CRYZ: variants seen among roughly 807,000 people sequenced by gnomAD.
CRYZ encodes the protein crystallin zeta, also known as zeta-crystallin.
A neutral mutation model predicts 34.1 loss-of-function variants in CRYZ; 35 were observed. The observed-to-expected ratio is 1.03, with a 90% CI of 0.78 to 1.36. CRYZ has a LOEUF of 1.36. CRYZ is among the 40% of genes most tolerant of loss of function. The probability of loss-of-function intolerance (pLI) is 0.00; values close to 1 mark genes in which losing one functional copy is unlikely to be tolerated. For missense variants in CRYZ, 403 were observed against 391.8 expected (o/e 1.03, Z -0.24); for synonymous variants, 137 against 136.5 (o/e 1.00, Z -0.03).
intron 6 of CRYZ, chr1:74,708,131 G>C (rs1054551954): frequency 6.6e-6 from 1 of 152,112 alleles, no homozygotes; most frequent in Non-Finnish European, 1.5e-5. Context: ...AAAGATGGAG[G>C]GGACTGAGAA....
chr1:74,707,717 G>A (rs1467148057), intron 6 of CRYZ: 2 of 152,284 alleles, frequency 1.3e-5, no homozygotes, highest in African/African-American at 2.4e-5. Flanking sequence ...GCTCTTGGAT[G>A]TTGGACGCTG....
intron 5 of CRYZ, among the ~76,000 whole-genome samples, chr1:74,714,351 C>T (rs1647042801): frequency 6.6e-6 from 1 of 151,996 alleles, no homozygotes; most frequent in Non-Finnish European, 1.5e-5. Flanking sequence ...GGTGGAAAAT[C>T]TAACATATTT....
At chr1:74,720,163 A>C (rs1647138828) in intron 3 of CRYZ, among the ~76,000 whole-genome samples, 1 of 152,216 alleles carries the variant, frequency 6.6e-6, no homozygotes, top group South Asian at 2.1e-4. Flanking sequence ...CCAAAATGCT[A>C]GGGAGAAGAA....
intron 1 of CRYZ, among the ~76,000 whole-genome samples, chr1:74,727,079 C>A (rs568455311): frequency 6.6e-6 from 1 of 151,856 alleles, no homozygotes; most frequent in East Asian, 1.9e-4. Context: ...TAGGAAGTTC[C>A]AAACTTTCCC....
intron 3 of CRYZ, among the ~76,000 whole-genome samples, chr1:74,722,222 G>A (rs1462711634): frequency 6.6e-6 from 1 of 151,986 alleles, no homozygotes; most frequent in East Asian, 1.9e-4. Context: ...AGGGGGAGAG[G>A]AGAACAGAAG....
intron 3 of CRYZ, among the ~76,000 whole-genome samples, chr1:74,721,283 G>A (rs576800199): frequency 8.7e-4 from 133 of 152,212 alleles, no homozygotes; most frequent in African/African-American, 3.2e-3. Context: ...GAACCAATAT[G>A]AACAAAAACA....
chr1:74,720,040 C>T (rs866645678), intron 3 of CRYZ, among the ~76,000 whole-genome samples: 3 of 151,994 alleles, frequency 2.0e-5, no homozygotes, highest in Non-Finnish European at 2.9e-5. Flanking sequence ...ATTATCTCTA[C>T]TTTAGAGCAA....
At chr1:74,730,599 G>A (rs1338451793) in intron 1 of CRYZ, among the ~76,000 whole-genome samples, 1 of 152,174 alleles carries the variant, frequency 6.6e-6, no homozygotes, top group Non-Finnish European at 1.5e-5. Context: ...TTATGCAGAA[G>A]TAAAAATAAA....
intron 2 of CRYZ, among the ~76,000 whole-genome samples, chr1:74,723,731 G>A (rs1647208730): frequency 6.6e-6 from 1 of 152,304 alleles, no homozygotes; most frequent in South Asian, 2.1e-4. Context: ...CTTCCATGGA[G>A]ACCCTGAAGA....
At chr1:74,722,153 C>T (rs1229137256) in intron 3 of CRYZ, among the ~76,000 whole-genome samples, 1 of 151,850 alleles carries the variant, frequency 6.6e-6, no homozygotes, top group Admixed American at 6.6e-5. Flanking sequence ...CCAGACAACA[C>T]CAAGATTTAA....
In CRYZ at chr1:74,705,666, CTA is replaced by C. The variant is rs937168650; in HGVS notation, c.*628_*629del. ...TTGCGAAGTATTACCTATTTGGAGA[CTA>C]TGTATTATATCAAAGATAAAGCTAC... is the stretch of plus-strand genomic sequence containing the variant. On this transcript the variant is annotated 3_prime_UTR_variant, in exon 9 of 9. Transcript: ENST00000340866. 2 of 152,064 alleles carry C rather than the reference CTA, an allele frequency of 1.3e-5. No homozygotes were observed. Among genetic ancestry groups the C allele is most frequent in the Non-Finnish European group, 2.9e-5 (2 of 67,996 alleles). The allele number at this position is 152,064 out of a possible 1,614,324, so 9.4% of individuals were successfully genotyped here. A position where few individuals can be genotyped will look rare whatever the true frequency, so the allele number is the denominator to read the frequency against.
At chr1:74,727,539 G>C (rs566114036) in intron 1 of CRYZ, among the ~76,000 whole-genome samples, 1 of 146,162 alleles carries the variant, frequency 6.8e-6, no homozygotes, top group African/African-American at 2.5e-5. Flanking sequence ...GGCTGAGGCA[G>C]GAGAATGGCG....
chr1:74,732,899 G>A (rs1557738551), intron 1 of CRYZ, 57 bp downstream of exon 1: 1 of 242,350 alleles, frequency 4.1e-6, no homozygotes, highest in Non-Finnish European at 8.0e-6. Context: ...CCACTTGGAC[G>A]AGCAGTGGGG....
chr1:74,709,891 A>G (rs1240097255), intron 6 of CRYZ, among the ~76,000 whole-genome samples: 3 of 152,240 alleles, frequency 2.0e-5, no homozygotes, highest in African/African-American at 7.2e-5. Context: ...TATTTAATAC[A>G]CATAAACAAT....
chr1:74,726,121 G>A (rs1647325244), intron 1 of CRYZ, among the ~76,000 whole-genome samples: 1 of 152,190 alleles, frequency 6.6e-6, no homozygotes, highest in Admixed American at 6.5e-5. Flanking sequence ...CCATTCTGGG[G>A]TCTGGAGGAC....
chr1:74,732,960 A>G lies in CRYZ; in HGVS notation c.-18T>C. ...AGAGTTTTTAAAACCACTTACCAGA[A>G]TCTAGAGTGGGAATTAAAATCTGCG... On this transcript the variant is annotated 5_prime_UTR_variant, in exon 1 of 9. Coordinates refer to ENST00000340866, the MANE Select transcript of CRYZ (RefSeq NM_001889.4). The G allele has an allele frequency of 2.2e-6, 1 of 445,182 alleles. No individual in the cohort carries two copies. The highest frequency in any genetic ancestry group is 4.1e-5 in the East Asian group (1 of 24,286). The allele number at this position is 445,182 out of a possible 1,614,324, so 27.6% of individuals were successfully genotyped here.
At chr1:74,710,566 A>C (rs1414782481) in intron 5 of CRYZ, among the ~76,000 whole-genome samples, 1 of 152,226 alleles carries the variant, frequency 6.6e-6, no homozygotes, top group Non-Finnish European at 1.5e-5. Flanking sequence ...TCATATGCGG[A>C]GATGGAAACA....
chr1:74,722,992 C>T, intron 3 of CRYZ, 126 bp downstream of exon 3: 1 of 871,580 alleles, frequency 1.1e-6, no homozygotes, highest in Non-Finnish European at 1.8e-6. Context: ...TAGAGGAGTC[C>T]CCCGAGTGGC....
intron 4 of CRYZ, 139 bp from the exon 5 acceptor site, chr1:74,714,769 C>T (rs1647049448): frequency 2.9e-6 from 2 of 699,480 alleles, no homozygotes; most frequent in Middle Eastern, 2.5e-4. Context: ...ACATACAGCC[C>T]CAAATATTCC....
Sources: gnomAD v4.1 joint callset for allele counts (sites outside exome capture counted in the v4.1 genomes callset) on GRCh38, gnomAD v4.1.1 for gene constraint, MANE v1.5 for transcripts, NCBI Gene and HGNC (gene_info 2026-07-23, HGNC 2026-07-21) for gene names.